NGLY1: variants seen among roughly 807,000 people sequenced by gnomAD.
NGLY1 encodes N-glycanase 1.
In NGLY1, 68 loss-of-function variants were observed where a neutral mutation model predicts 84.6. The observed-to-expected ratio is 0.80, with a 90% confidence interval of 0.66 to 0.98. The LOEUF (loss-of-function observed/expected upper bound fraction) is 0.98. NGLY1 is among the 50% of genes least tolerant of loss of function. The probability of loss-of-function intolerance (pLI) is 0.00; values close to 1 mark genes in which losing one functional copy is unlikely to be tolerated. For synonymous variants in NGLY1, 280 were observed against 275.2 expected, an observed-to-expected ratio of 1.02 and a Z score of -0.17; for missense variants, 779 against 770.2, an observed-to-expected ratio of 1.01 and a Z score of -0.14.
intron 6 of NGLY1, 59 bp from the exon 7 acceptor site, chr3:25,736,208 T>C (rs2125476002): frequency 6.3e-7 from 1 of 1,585,950 alleles, no homozygotes; most frequent in Admixed American, 1.8e-5. Flanking sequence ...AGAATGACTT[T>C]CAATAACTAT....
At chr3:25,789,679 T>G (rs918432462) in intron 1 of NGLY1, 2 of 740,192 alleles carry the variant, frequency 2.7e-6, no homozygotes, top group Admixed American at 5.4e-5. Flanking sequence ...TTAATTCCAC[T>G]TTACTCACAA....
chr3:25,739,638 C>A lies in NGLY1; in HGVS notation c.820G>T (p.Gly274Cys). The change falls in exon 5 of 12, where the codon GGT becomes TGT. Residue 274 changes from glycine (G) to cysteine (C), a missense_variant. By Grantham distance (159) the Gly-to-Cys change is radical. Coordinates refer to ENST00000280700, the MANE Select transcript of NGLY1 (RefSeq NM_018297.4). ...LLPSDDELKW[G>C]AKEVEDHYCD... ...TAATGATCTTCCACTTCCTTTGCACCCCACTTCAGCTCATCATCACTGGGC... is the reference window on the plus strand; with the variant it reads ...TAATGATCTTCCACTTCCTTTGCACACCACTTCAGCTCATCATCACTGGGC... 1 of 1,614,032 alleles carries A rather than the reference C, an allele frequency of 6.2e-7. No homozygotes were observed. Among genetic ancestry groups the A allele is most frequent in the Non-Finnish European group, 8.5e-7 (1 of 1,179,992 alleles).
chr3:25,745,892 T>A (rs1445226224), intron 4 of NGLY1, among the ~76,000 whole-genome samples: 2 of 152,220 alleles, frequency 1.3e-5, no homozygotes, highest in Non-Finnish European at 2.9e-5. Flanking sequence ...ATGAATAAGG[T>A]TATGTAACAT....
chr3:25,748,385 G>A (rs1706553638), intron 4 of NGLY1, among the ~76,000 whole-genome samples: 1 of 152,120 alleles, frequency 6.6e-6, no homozygotes, highest in South Asian at 2.1e-4. Context: ...GAGACGACAA[G>A]AACACTGGAG....
chr3:25,780,312 A>G (rs1476306003), intron 1 of NGLY1, among the ~76,000 whole-genome samples: 1 of 152,150 alleles, frequency 6.6e-6, no homozygotes, highest in Non-Finnish European at 1.5e-5. Flanking sequence ...CTCACAAGTG[A>G]GCCTCTCTTT....
At position 25,737,406 on chromosome 3, in the gene NGLY1, C is replaced by T. The variant is rs201791209; in HGVS notation, c.931G>A (p.Glu311Lys). ...CACAGTGTAAAACAATTGGCCCACT[C>T]GCCACACCGTCCACATCTTGTTTCC... ...LLETRCGRCG[E>K]WANCFTLCCR... The change falls in exon 6 of 12, where the codon GAG becomes AAG. Residue 311 changes from glutamate to lysine, a missense_variant. Transcript: ENST00000280700. The T allele has an allele frequency of 1.7e-5, 28 of 1,613,958 alleles. No homozygotes were observed. The highest frequency in any genetic ancestry group is 6.7e-5 in the Admixed American group (4 of 59,990).
intron 3 of NGLY1, chr3:25,754,805 TGATACGA>T: frequency 2.4e-6 from 1 of 423,884 alleles, no homozygotes; most frequent in East Asian, 4.3e-5. Flanking sequence ...TTTTTTTTTT[TGATACGA>T]GCAACTGGGT....
intron 6 of NGLY1, chr3:25,736,507 C>T (rs769216831): frequency 1.3e-6 from 1 of 780,736 alleles, no homozygotes; most frequent in Non-Finnish European, 2.1e-6. Context: ...TCTCTCTGGA[C>T]TTTAAGGCCC....
intron 2 of NGLY1, among the ~76,000 whole-genome samples, chr3:25,771,797 T>C (rs903932791): frequency 8.6e-5 from 13 of 152,036 alleles, no homozygotes; most frequent in African/African-American, 2.2e-4. Flanking sequence ...ATTGCAGCAA[T>C]TGTAAAAGGA....
intron 4 of NGLY1, chr3:25,749,431 A>G (rs1435973672): frequency 1.0e-6 from 1 of 967,932 alleles, no homozygotes; most frequent in East Asian, 2.4e-5. Flanking sequence ...AAAGGAAGGA[A>G]GCTCTCTCCT....
intron 2 of NGLY1, among the ~76,000 whole-genome samples, chr3:25,766,421 GAAC>G (rs1278410963): frequency 6.6e-6 from 1 of 152,182 alleles, no homozygotes; most frequent in African/African-American, 2.4e-5. Flanking sequence ...TGAAGCCACA[GAAC>G]AACTGGCAGA....
chr3:25,767,273 T>C (rs1055599785), intron 2 of NGLY1, among the ~76,000 whole-genome samples: 13 of 146,856 alleles, frequency 8.9e-5, no homozygotes, highest in East Asian at 6.0e-4. Context: ...GCCTGGGCGA[T>C]AGAACTAGAC....
In NGLY1 at chr3:25,737,414, C is replaced by T. The variant is rs746594019; in HGVS notation, c.923G>A (p.Arg308Gln). The part of the protein sequence containing the change: ...PEKLLETRCG[R>Q]CGEWANCFTL... ...AAAACAATTGGCCCACTCGCCACAC[C>T]GTCCACATCTTGTTTCCAAAAGTTT... The change falls in exon 6 of 12, where the codon CGG becomes CAG. Residue 308 changes from arginine (R) to glutamine (Q), a missense_variant. Transcript: ENST00000280700. 3.7e-6 allele frequency: 6 copies of T among 1,613,364 alleles called. No homozygotes were observed. Among genetic ancestry groups the T allele is most frequent in the South Asian group, 2.2e-5 (2 of 90,926 alleles).
At chr3:25,762,130 C>T (rs1198649133) in intron 3 of NGLY1, among the ~76,000 whole-genome samples, 1 of 151,722 alleles carries the variant, frequency 6.6e-6, no homozygotes, top group East Asian at 1.9e-4. Context: ...TATACATCGA[C>T]ATTTTACTTG....
intron 11 of NGLY1, 48 bp downstream of exon 11, chr3:25,719,966 G>A (rs370200417): frequency 2.0e-6 from 3 of 1,492,700 alleles, no homozygotes; most frequent in Admixed American, 1.8e-5. Context: ...TTAGTCTTCA[G>A]AGTGGTAAAT....
intron 2 of NGLY1, among the ~76,000 whole-genome samples, chr3:25,773,947 CAA>C (rs1223612820): frequency 6.6e-6 from 1 of 152,144 alleles, no homozygotes; most frequent in Non-Finnish European, 1.5e-5. Context: ...AGAGTGTCTG[CAA>C]AGAGTCCTGT....
chr3:25,755,391 C>T (rs1303321777), intron 3 of NGLY1: 7 of 1,381,654 alleles, frequency 5.1e-6, no homozygotes, highest in African/African-American at 1.4e-5. Context: ...AAACCTACCA[C>T]TCCTACTATA....
At position 25,778,925 on chromosome 3, in the gene NGLY1, C is replaced by CT. The variant is rs565447910; in HGVS notation, c.132-238dup. ...GTCTCGCTTCAGTTTAAGATACATT[C>CT]TTTTTTTTTTTTTTTTTTTTTTTTT... On this transcript the variant is annotated intron_variant, in intron 1 of 11. Transcript: ENST00000280700. Among the ~76,000 whole-genome samples the CT allele has an allele frequency of 0.032, 1,732 of 54,638 alleles. 265 individuals are homozygous for CT. The highest frequency in any genetic ancestry group is 0.064 in the African/African-American group (1,075 of 16,724). 35.8% of individuals were successfully genotyped at this position (54,638 alleles called of 152,430 possible).
Position 25,736,024 on chromosome 3 carries a change from T to A in NGLY1, c.1129A>T (p.Ile377Leu). 6.2e-7 allele frequency: 1 copy of A among 1,612,996 alleles called. No individual in the cohort carries two copies. Among genetic ancestry groups the A allele is most frequent in the South Asian group, 1.1e-5 (1 of 90,832 alleles). Residue 377 changes from isoleucine to leucine, a missense_variant, in exon 7 of 12, where the codon ATA becomes TTA. Ile to Leu is a conservative substitution (Grantham distance 5). Transcript: ENST00000280700. ...TCTACCTCATCTTTTGAAAATGCTA[T>A]GACATAGGAAAGCTTCTTGCCCCAT... ...IGWGKKLSYV[I>L]AFSKDEVVDV... is the part of the protein sequence containing the mutation.
Sources: gnomAD v4.1 joint callset for allele counts (sites outside exome capture counted in the v4.1 genomes callset) on GRCh38, gnomAD v4.1.1 for gene constraint, MANE v1.5 for transcripts, NCBI Gene and HGNC (gene_info 2026-07-23, HGNC 2026-07-21) for gene names.